The following WDR33 variants were observed in gnomAD, a reference collection of about 807,000 sequenced individuals.
The protein encoded by WDR33 is pre-mRNA 3' end processing protein WDR33.
A neutral mutation model predicts 164.9 loss-of-function variants in WDR33; 47 were observed. That is an observed-to-expected ratio of 0.29 (90% CI 0.23 to 0.36). WDR33 has a LOEUF of 0.36. Ranked by LOEUF, WDR33 falls within the 10% of genes least tolerant of loss-of-function variation. The pLI is 1.00. For synonymous variants in WDR33, 505 were observed against 589.0 expected (o/e 0.86, Z 2.06); for missense variants, 1,137 against 1,754.1 (o/e 0.65, Z 6.28).
At chr2:127,733,698 G>A (rs904094317) in intron 7 of WDR33, among the ~76,000 whole-genome samples, 69 of 151,788 alleles carry the variant, frequency 4.5e-4, no homozygotes, top group African/African-American at 1.5e-3. Flanking sequence ...GAATACTTCC[G>A]TCGTCACAAA....
rs1428764276 is a variant in WDR33 at position 127,770,954 on chromosome 2, G to A, written c.28C>T (p.Arg10Cys). The change falls in exon 2 of 22, where the codon CGT becomes TGT. Residue 10 changes from arginine (R) to cysteine (C), a missense_variant. Arg to Cys is a radical substitution (Grantham distance 180). Transcript: ENST00000322313. This position sits in a 1 kb window ranked among gnomAD's most constrained non-coding sequence, Gnocchi z 4.9. MATEIGSPP[R>C]FFHMPRFQHQ... ...TGGAACCTTGGCATATGGAAAAAAC[G>A]AGGAGGAGAACCAATTTCTGTAGCC... is the stretch of plus-strand genomic sequence containing the variant. 1.9e-6 allele frequency: 3 copies of A among 1,614,004 alleles called. No homozygotes were observed. The highest frequency in any genetic ancestry group is 1.7e-6 in the Non-Finnish European group (2 of 1,179,930).
chr2:127,723,806 G>C lies in WDR33; in HGVS notation c.1197-459C>G, dbSNP rs955614829. Among the ~76,000 whole-genome samples, 8 of 150,710 alleles carry C rather than the reference G, an allele frequency of 5.3e-5. No individual in the cohort carries two copies. Among genetic ancestry groups the C allele is most frequent in the Non-Finnish European group, 1.2e-4 (8 of 67,674 alleles). On this transcript the variant is annotated intron_variant, in intron 11 of 21. Transcript: ENST00000322313. This position sits in a 1 kb window ranked among gnomAD's most constrained non-coding sequence, Gnocchi z 5.9. ...AAAATAAAATGTGGGGCCGGGCAAG[G>C]TGGCTCATGCCTGTAATCCCAGCAC...
At chr2:127,806,017 G>A (rs1206922544) in intron 1 of WDR33, among the ~76,000 whole-genome samples, 1 of 151,542 alleles carries the variant, frequency 6.6e-6, no homozygotes, top group African/African-American at 2.4e-5. Context: ...TGAGGCCAAG[G>A]TGGGCAGATT....
chr2:127,764,248 G>A lies in WDR33; in HGVS notation c.626+580C>T, dbSNP rs934634414. The A allele has an allele frequency of 8.5e-7, 1 of 1,174,146 alleles. No individual in the cohort carries two copies. The highest frequency in any genetic ancestry group is 1.1e-6 in the Non-Finnish European group (1 of 950,190). 72.7% of individuals were successfully genotyped at this position (1,174,146 alleles called of 1,614,324 possible). A position where few individuals can be genotyped will look rare whatever the true frequency, so the allele number is the denominator to read the frequency against. On this transcript the variant is annotated intron_variant, in intron 6 of 21. Transcript: ENST00000322313. The surrounding 1 kb of genome is among the most constrained non-coding windows in gnomAD (Gnocchi z 6.2). ...AGTGAATCAGAAGAAAAGTCCTAGAGTCTTCTTGACAATGATCTGCTTACA... is the reference window on the plus strand; with the variant it reads ...AGTGAATCAGAAGAAAAGTCCTAGAATCTTCTTGACAATGATCTGCTTACA...
rs751412114 is a variant in WDR33, at chr2:127,714,011, G to A, written c.2880C>T (p.Arg960=). The A allele has an allele frequency of 4.9e-5, 75 of 1,518,948 alleles. No homozygotes were observed. Among genetic ancestry groups the A allele is most frequent in the Non-Finnish European group, 5.8e-5 (66 of 1,139,376 alleles). The allele number at this position is 1,518,948 out of a possible 1,614,324, so 94.1% of individuals were successfully genotyped here. A position where few individuals can be genotyped will look rare whatever the true frequency, so the allele number is the denominator to read the frequency against. ...QGPGPNKGDS[R]GPPNHHMGPM... is the part of the protein sequence containing the mutation. ...GGCCCATGTGATGGTTTGGAGGGCC[G>A]CGGGAGTCACCTAAAGGAAACAAAG... The change falls in exon 18 of 22, where the codon CGC becomes CGT. Residue 960 remains arginine (R), a synonymous_variant. Coordinates refer to ENST00000322313, the MANE Select transcript of WDR33 (RefSeq NM_018383.5). The surrounding 1 kb of genome is among the most constrained non-coding windows in gnomAD (Gnocchi z 4.3).
At chr2:127,781,583 A>C (rs1688370932) in intron 1 of WDR33, among the ~76,000 whole-genome samples, 1 of 152,148 alleles carries the variant, frequency 6.6e-6, no homozygotes, top group African/African-American at 2.4e-5. Flanking sequence ...CATAAATAGA[A>C]TCTCTGTATT....
intron 7 of WDR33, among the ~76,000 whole-genome samples, chr2:127,731,376 T>C (rs1198194874): frequency 6.9e-6 from 1 of 144,702 alleles, no homozygotes; most frequent in Non-Finnish European, 1.5e-5. Context: ...GAGAGAGTAA[T>C]AGGCACTCTC....
chr2:127,782,881 C>G (rs988441916), intron 1 of WDR33, among the ~76,000 whole-genome samples: 1 of 152,036 alleles, frequency 6.6e-6, no homozygotes, highest in African/African-American at 2.4e-5. Flanking sequence ...TGGTGGCAGG[C>G]GCCTGTAGTC....
At position 127,712,930 on chromosome 2, in the gene WDR33, T is replaced by A. The variant is rs998225187; in HGVS notation, c.3308+653A>T. ...CCACCAAACCCAGCTAATTAAAAAA[T>A]TTTTTTTGTAGAGATGGAGTTACAC... On this transcript the variant is annotated intron_variant, in intron 18 of 21. Transcript: ENST00000322313. This position sits in a 1 kb window ranked among gnomAD's most constrained non-coding sequence, Gnocchi z 4.0. Among the ~76,000 whole-genome samples, 9 of 152,170 alleles carry A rather than the reference T, an allele frequency of 5.9e-5. No individual in the cohort carries two copies. Among genetic ancestry groups the A allele is most frequent in the Admixed American group, 2.0e-4 (3 of 15,282 alleles).
chr2:127,766,202 T>C (rs907707348), intron 4 of WDR33, among the ~76,000 whole-genome samples: 26 of 152,210 alleles, frequency 1.7e-4, no homozygotes, highest in African/African-American at 5.8e-4. Context: ...CACACACTCA[T>C]TTTCCTTAAA....
Position 127,763,766 on chromosome 2 carries a change from A to T in WDR33, c.627-607T>A. The T allele has an allele frequency of 2.0e-6, 2 of 985,588 alleles. No homozygotes were observed. Among genetic ancestry groups the T allele is most frequent in the Non-Finnish European group, 2.4e-6 (2 of 830,050 alleles). 61.1% of individuals were successfully genotyped at this position (985,588 alleles called of 1,614,324 possible). ...ATAAGGACATTCAGACTTGTGTGTAAAGCCAAAGAATCTGCTGCAAGAAGG... is the reference window on the plus strand; with the variant it reads ...ATAAGGACATTCAGACTTGTGTGTATAGCCAAAGAATCTGCTGCAAGAAGG... On this transcript the variant is annotated intron_variant, in intron 6 of 21. Coordinates refer to ENST00000322313, the MANE Select transcript of WDR33 (RefSeq NM_018383.5). The surrounding 1 kb of genome is among the most constrained non-coding windows in gnomAD (Gnocchi z 4.5).
rs1055354165 is a variant in WDR33, at chr2:127,768,213, T to C, written c.354A>G (p.Val118=). 2.5e-6 allele frequency: 4 copies of C among 1,580,160 alleles called. No individual in the cohort carries two copies. In the African/African-American group the frequency reaches 5.4e-5, roughly 21 times the overall value. The stretch of plus-strand genomic sequence containing the variant: ...CCCTAACAACAAATACAGGACACTT[T>C]ACTTTATTTGTTGATGTCCGAACAA... The part of the protein sequence containing the change: ...TKFVRTSTNK[V]KCPVFVVRWT... The change falls in exon 4 of 22, where the codon GTA becomes GTG. Residue 118 remains valine, a synonymous_variant. Transcript: ENST00000322313.
chr2:127,779,975 AT>A (rs1201664053), intron 1 of WDR33, among the ~76,000 whole-genome samples: 6,200 of 142,590 alleles, frequency 0.043, 206 homozygotes, highest in South Asian at 0.17. Context: ...GGTTTTTTTG[AT>A]TTTTTTTTTT....
rs1481738574 is a variant in WDR33 at position 127,742,410 on chromosome 2, C to A, written c.725-15633G>T. ...TGCATGGTGGCTCACACCTGTAGTT[C>A]CAGCTACCAAGGAAACAGAGGTGGG... On this transcript the variant is annotated intron_variant, in intron 7 of 21. Coordinates refer to ENST00000322313, the MANE Select transcript of WDR33 (RefSeq NM_018383.5). Among the ~76,000 whole-genome samples, 7 of 151,076 alleles carry A rather than the reference C, an allele frequency of 4.6e-5. No individual in the cohort carries two copies. In the South Asian group the frequency reaches 1.5e-3, roughly 32 times the overall value.
chr2:127,787,672 C>T (rs1688642551), intron 1 of WDR33, among the ~76,000 whole-genome samples: 1 of 108,084 alleles, frequency 9.3e-6, no homozygotes. Flanking sequence ...GGCTGACCCC[C>T]CCACCTCCCT....
Position 127,764,495 on chromosome 2 carries a change from G to T in WDR33, c.626+333C>A, listed in dbSNP as rs1169367606. ...TAATTAAAGACTGAATTCTTTATTT[G>T]GAATGAAATATTCTTGTCTTACACA... On this transcript the variant is annotated intron_variant, in intron 6 of 21. Transcript: ENST00000322313. This position sits in a 1 kb window ranked among gnomAD's most constrained non-coding sequence, Gnocchi z 6.2. 9.4e-6 allele frequency: 14 copies of T among 1,484,034 alleles called. No homozygotes were observed. Among genetic ancestry groups the T allele is most frequent in the African/African-American group, 1.4e-5 (1 of 70,010 alleles). The allele number at this position is 1,484,034 out of a possible 1,614,324, so 91.9% of individuals were successfully genotyped here. A position where few individuals can be genotyped will look rare whatever the true frequency, so the allele number is the denominator to read the frequency against.
At chr2:127,805,944 T>C (rs1182760102) in intron 1 of WDR33, among the ~76,000 whole-genome samples, 1 of 146,894 alleles carries the variant, frequency 6.8e-6, no homozygotes, top group Non-Finnish European at 1.5e-5. Context: ...GAATAAACTT[T>C]TGTTTAAAAA....
At chr2:127,777,173 A>G (rs1455494331) in intron 1 of WDR33, among the ~76,000 whole-genome samples, 1 of 152,236 alleles carries the variant, frequency 6.6e-6, no homozygotes, top group Admixed American at 6.5e-5. Flanking sequence ...TGTGTGAAAC[A>G]CTGAATTCAT....
In WDR33 at chr2:127,714,116, T is replaced by C; in HGVS notation, c.2870-95A>G. 1 of 1,275,446 alleles carries C rather than the reference T, an allele frequency of 7.8e-7. No individual in the cohort carries two copies. The highest frequency in any genetic ancestry group is 1.0e-6 in the Non-Finnish European group (1 of 969,864). 79.0% of individuals were successfully genotyped at this position (1,275,446 alleles called of 1,614,324 possible). ...ATCTCTACATTTCAGAATACATTCT[T>C]TATTGAGAATGTTTTCCCTCCTTGG... On this transcript the variant is annotated intron_variant, in intron 17 of 21. Transcript: ENST00000322313. The surrounding 1 kb of genome is among the most constrained non-coding windows in gnomAD (Gnocchi z 4.3).
Sources: allele counts gnomAD v4.1 joint callset (sites outside exome capture counted in the v4.1 genomes callset), GRCh38; gene constraint gnomAD v4.1.1; non-coding constraint Gnocchi (gnomAD v3.1); transcripts MANE v1.5; gene names NCBI Gene and HGNC (gene_info 2026-07-23, HGNC 2026-07-21).